Variants in KDM4C observed in about 807,000 individuals in gnomAD.
KDM4C encodes lysine-specific demethylase 4C.
A neutral mutation model predicts 129.3 loss-of-function variants in KDM4C; 81 were observed. The observed-to-expected ratio is 0.63, with a 90% CI of 0.52 to 0.75. KDM4C has a LOEUF of 0.75. Among genes scored for constraint, KDM4C ranks in the 30% least tolerant of loss-of-function variants. The probability of loss-of-function intolerance (pLI) is 0.00; values close to 1 mark genes in which losing one functional copy is unlikely to be tolerated. For missense variants in KDM4C, 1,457 were observed against 1,304.0 expected, an observed-to-expected ratio of 1.12 and a Z score of -1.81; for synonymous variants, 573 against 456.1, an observed-to-expected ratio of 1.26 and a Z score of -3.26.
chr9:7,067,200 A>G (rs1228940481), intron 17 of KDM4C, among the ~76,000 whole-genome samples: 1 of 152,186 alleles, frequency 6.6e-6, no homozygotes, highest in African/African-American at 2.4e-5. Context: ...TAGCCTTTGA[A>G]CTATTGACTC....
chr9:6,850,001 T>C (rs998707571), intron 5 of KDM4C, among the ~76,000 whole-genome samples: 13 of 152,248 alleles, frequency 8.5e-5, no homozygotes, highest in African/African-American at 2.9e-4. Flanking sequence ...TTTCCATGTT[T>C]AGATATGTTT....
At chr9:6,854,610 G>T (rs10975856) in intron 5 of KDM4C, among the ~76,000 whole-genome samples, 43,057 of 150,680 alleles carry the variant, frequency 0.29, 6,948 homozygotes, top group African/African-American at 0.43. Context: ...GTAAGAGGAT[G>T]TGTTTTAAGC....
At chr9:6,850,976 A>T (rs1202992036) in intron 5 of KDM4C, among the ~76,000 whole-genome samples, 1 of 152,058 alleles carries the variant, frequency 6.6e-6, no homozygotes, top group Non-Finnish European at 1.5e-5. Flanking sequence ...GCTGGTCTCG[A>T]ACTCTTGACC....
chr9:7,117,351 C>A (rs1287007007), intron 18 of KDM4C, among the ~76,000 whole-genome samples: 1 of 151,740 alleles, frequency 6.6e-6, no homozygotes, highest in African/African-American at 2.4e-5. Flanking sequence ...TGTGTTTAAC[C>A]CATTCACCAA....
At chr9:6,926,940 A>G (rs531793955) in intron 8 of KDM4C, among the ~76,000 whole-genome samples, 3 of 152,300 alleles carry the variant, frequency 2.0e-5, no homozygotes, top group Non-Finnish European at 2.9e-5. Flanking sequence ...AAATGTATAC[A>G]TGTTCATTTA....
chr9:7,061,960 T>A (rs1831745252), intron 17 of KDM4C, among the ~76,000 whole-genome samples: 1 of 152,188 alleles, frequency 6.6e-6, no homozygotes, highest in African/African-American at 2.4e-5. Context: ...TCCTGGAGTA[T>A]GAATGGTCTG....
intron 8 of KDM4C, among the ~76,000 whole-genome samples, chr9:6,903,456 T>C (rs1817744084): frequency 6.6e-6 from 1 of 152,198 alleles, no homozygotes; most frequent in Non-Finnish European, 1.5e-5. Context: ...GGCAGGAATA[T>C]GATTGGAGTA....
At chr9:7,133,656 G>A (rs1021419735) in intron 19 of KDM4C, among the ~76,000 whole-genome samples, 5 of 152,176 alleles carry the variant, frequency 3.3e-5, no homozygotes, top group African/African-American at 7.2e-5. Flanking sequence ...GTGGCTTAGT[G>A]CAGCTGAGGT....
chr9:7,059,849 AT>A (rs1295774505), intron 17 of KDM4C, among the ~76,000 whole-genome samples: 4 of 152,118 alleles, frequency 2.6e-5, no homozygotes, highest in Admixed American at 1.3e-4. Context: ...TGGGTTTGTT[AT>A]TTTTAAATGA....
intron 15 of KDM4C, among the ~76,000 whole-genome samples, chr9:7,030,149 G>A (rs975781954): frequency 6.6e-6 from 1 of 152,048 alleles, no homozygotes; most frequent in African/African-American, 2.4e-5. Flanking sequence ...ATTCTGGCTT[G>A]CTTTGTATTT....
intron 17 of KDM4C, among the ~76,000 whole-genome samples, chr9:7,094,433 T>C (rs1233531636): frequency 1.3e-5 from 2 of 152,208 alleles, no homozygotes; most frequent in Non-Finnish European, 2.9e-5. Context: ...AAAAGGAATT[T>C]CTAAGTGACC....
At chr9:6,728,795 A>C (rs1387405352) in intron 1 of KDM4C, among the ~76,000 whole-genome samples, 1 of 151,774 alleles carries the variant, frequency 6.6e-6, no homozygotes, top group African/African-American at 2.4e-5. Flanking sequence ...GCAGTGAGCC[A>C]AGATTGTACC....
At chr9:6,819,226 T>C (rs1407490107) in intron 4 of KDM4C, 2 of 152,174 alleles carry the variant, frequency 1.3e-5, no homozygotes, top group African/African-American at 2.4e-5. Flanking sequence ...GGTAGTGAAA[T>C]AGCATAAGCA....
At position 6,724,682 on chromosome 9, in the gene KDM4C, C is replaced by T. The variant is rs1175074075; in HGVS notation, c.49+3685C>T. Among the ~76,000 whole-genome samples the T allele has an allele frequency of 3.9e-5, 6 of 152,088 alleles. 1 individual carries two copies. In the East Asian group the frequency reaches 9.6e-4, roughly 24 times the overall value. ...AGCAGCTGGTACTACAGGCACGCAC[C>T]ACAACGCCCAGCTAATTTTTGTATT... On this transcript the variant is annotated intron_variant, in intron 1 of 17. Coordinates refer to the KDM4C transcript ENST00000536108.
rs149073551 is a variant in KDM4C, at chr9:7,094,937, G to T, written c.2425-8748G>T. ...AGATGCACTCAGGGGCCTTGGGATA[G>T]CTTCTGGTGTTCAGAAAAGGAAGAC... On this transcript the variant is annotated intron_variant, in intron 17 of 21. Transcript: ENST00000381309. 2.2e-3 allele frequency among the ~76,000 whole-genome samples: 331 copies of T among 152,268 alleles called. 2 individuals are homozygous for T. The highest frequency in any genetic ancestry group is 7.8e-3 in the African/African-American group (324 of 41,542).
At chr9:6,753,937 C>T (rs555323858), upstream of KDM4C, among the ~76,000 whole-genome samples, 16 of 137,908 alleles carry the variant, frequency 1.2e-4, no homozygotes, top group East Asian at 1.5e-3. Flanking sequence ...TGCAGTGGCA[C>T]GACCTCGACT....
In KDM4C at chr9:7,142,132, C is replaced by T. The variant is rs140411928; in HGVS notation, c.2781+13896C>T. The stretch of plus-strand genomic sequence containing the variant: ...AATAAATAAATTGAGCATATGATTA[C>T]ACATATGTAGACTTGGCCTCACTAT... On this transcript the variant is annotated intron_variant, in intron 19 of 21. Transcript: ENST00000381309. Among the ~76,000 whole-genome samples, 625 of 152,300 alleles carry T rather than the reference C, an allele frequency of 4.1e-3. 9 individuals are homozygous for T. In the East Asian group the frequency reaches 0.067, roughly 16 times the overall value.
intron 3 of KDM4C, among the ~76,000 whole-genome samples, chr9:6,812,875 T>C (rs1831412696): frequency 6.6e-6 from 1 of 152,182 alleles, no homozygotes; most frequent in South Asian, 2.1e-4. Context: ...CTAATCCTTT[T>C]TATTAAAAAC....
intron 2 of KDM4C, among the ~76,000 whole-genome samples, chr9:6,798,780 C>G (rs184053392): frequency 1.3e-5 from 2 of 150,644 alleles, no homozygotes; most frequent in Non-Finnish European, 3.0e-5. Flanking sequence ...GGGTGGTGGC[C>G]GGGCAGAGGG....
Sources: allele counts gnomAD v4.1 joint callset (sites outside exome capture counted in the v4.1 genomes callset), GRCh38; gene constraint gnomAD v4.1.1; transcripts MANE v1.5; gene names NCBI Gene and HGNC (gene_info 2026-07-23, HGNC 2026-07-21).